Variants in ATRX observed in about 807,000 individuals in gnomAD.
ATRX encodes the protein ATRX chromatin remodeler, also known as chromatin remodeler ATRX.
ATRX carries 12 observed loss-of-function variants against 172.6 expected under a neutral mutation model. That is an observed-to-expected ratio of 0.07 (90% CI 0.04 to 0.11). The LOEUF (loss-of-function observed/expected upper bound fraction) is 0.11, where lower values mean the gene tolerates loss of function less well. Among genes scored for constraint, ATRX ranks in the 10% least tolerant of loss-of-function variants. The pLI is 1.00. For synonymous variants in ATRX, 674 were observed against 594.7 expected (o/e 1.13, Z -1.94); for missense variants, 1,368 against 1,767.4 (o/e 0.77, Z 4.05).
At chrX:77,679,614 AG>A (rs1229280140) in intron 9 of ATRX, among the ~76,000 whole-genome samples, 1 of 111,962 alleles carries the variant, frequency 8.9e-6, no homozygotes, top group Non-Finnish European at 1.9e-5. Flanking sequence ...AAACTTTCAT[AG>A]GTATCAATAA....
chrX:77,581,247 A>C (rs1317027646), intron 27 of ATRX, among the ~76,000 whole-genome samples: 3 of 111,746 alleles, frequency 2.7e-5, no homozygotes, highest in Admixed American at 9.5e-5. Flanking sequence ...TAAATGGACT[A>C]AACTCTCCAA....
At chrX:77,662,928 CTT>C (rs1367493928) in intron 12 of ATRX, among the ~76,000 whole-genome samples, 1 of 111,787 alleles carries the variant, frequency 8.9e-6, no homozygotes, top group Non-Finnish European at 1.9e-5. Context: ...ATCTCCTGAC[CTT>C]GTGATCCACC....
chrX:77,608,107 C>T (rs782444089), intron 22 of ATRX, among the ~76,000 whole-genome samples: 2 of 110,269 alleles, frequency 1.8e-5, no homozygotes, highest in African/African-American at 6.6e-5. Flanking sequence ...GCCGGCCGGG[C>T]ACAGTGGCTC....
intron 34 of ATRX, among the ~76,000 whole-genome samples, chrX:77,515,291 C>T (rs1446655159): frequency 9.0e-6 from 1 of 111,139 alleles, no homozygotes; most frequent in African/African-American, 3.3e-5. Flanking sequence ...TATAATGACA[C>T]ACGTATATGT....
chrX:77,682,208 A>G lies in ATRX; in HGVS notation c.3048T>C (p.Thr1016=), dbSNP rs1557138284. ...EQQYESSSDG[T]EKLPEREEIC... Reference sequence around the variant, plus strand: ...TTTCTTCTCGCTCAGGTAACTTTTCAGTGCCATCAGATGAAGATTCATACT... The same window carrying G: ...TTTCTTCTCGCTCAGGTAACTTTTCGGTGCCATCAGATGAAGATTCATACT... The change falls in exon 9 of 35, where the codon ACT becomes ACC. Residue 1016 remains threonine, a synonymous_variant. Transcript: ENST00000373344. 1 of 1,210,567 alleles carries G rather than the reference A, an allele frequency of 8.3e-7. No individual in the cohort carries two copies. The highest frequency in any genetic ancestry group is 1.1e-6 in the Non-Finnish European group (1 of 894,612).
At chrX:77,694,598 T>G (rs782788406) in intron 5 of ATRX, among the ~76,000 whole-genome samples, 1 of 111,181 alleles carries the variant, frequency 9.0e-6, no homozygotes, top group Non-Finnish European at 1.9e-5. Context: ...TATGTTAATA[T>G]TTTAGAAAGA....
At chrX:77,574,190 T>C in intron 28 of ATRX, 60 bp downstream of exon 28, 4 of 803,009 alleles carry the variant, frequency 5.0e-6, no homozygotes, top group Admixed American at 2.4e-5. Context: ...TAGTGAACTT[T>C]ATGTAAATTT....
At chrX:77,736,008 A>C (rs2074545444) in intron 1 of ATRX, among the ~76,000 whole-genome samples, 1 of 108,168 alleles carries the variant, frequency 9.2e-6, no homozygotes, top group South Asian at 3.8e-4. Context: ...TCCACCTCAA[A>C]AAAAAAAAAA....
At chrX:77,696,056 C>A (rs915582638) in intron 5 of ATRX, among the ~76,000 whole-genome samples, 2 of 111,869 alleles carry the variant, frequency 1.8e-5, no homozygotes, top group Non-Finnish European at 3.8e-5. Flanking sequence ...AGAACTTCAA[C>A]AGTTGAGAGG....
At chrX:77,534,279 C>A (rs781943658) in intron 30 of ATRX, among the ~76,000 whole-genome samples, 1 of 111,859 alleles carries the variant, frequency 8.9e-6, no homozygotes, top group South Asian at 3.7e-4. Flanking sequence ...GTTTCTAAAT[C>A]TTCCCCTTTT....
At chrX:77,774,326 T>C (rs1432723136) in intron 1 of ATRX, among the ~76,000 whole-genome samples, 7 of 111,816 alleles carry the variant, frequency 6.3e-5, no homozygotes, top group African/African-American at 2.3e-4. Flanking sequence ...TTGTCTTTCA[T>C]CATGAAGGAT....
intron 1 of ATRX, among the ~76,000 whole-genome samples, chrX:77,745,944 A>C (rs2075055005): frequency 9.0e-6 from 1 of 111,656 alleles, no homozygotes. Flanking sequence ...AAAAATACCC[A>C]CAATGAGGTA....
At chrX:77,541,836 T>C (rs945673258) in intron 30 of ATRX, among the ~76,000 whole-genome samples, 1 of 111,421 alleles carries the variant, frequency 9.0e-6, no homozygotes, top group African/African-American at 3.3e-5. Context: ...TAAGAGCTAT[T>C]TATGACAAAC....
chrX:77,524,159 G>T (rs1184732064), intron 30 of ATRX, among the ~76,000 whole-genome samples: 1 of 111,714 alleles, frequency 9.0e-6, no homozygotes. Context: ...CACAAAGATA[G>T]ATGGGGTGGG....
intron 1 of ATRX, among the ~76,000 whole-genome samples, chrX:77,739,870 C>T (rs1008609552): frequency 3.7e-5 from 4 of 107,753 alleles, no homozygotes; most frequent in Non-Finnish European, 7.7e-5. Context: ...GCCAACATGA[C>T]GAAACCCCAT....
At chrX:77,586,141 TA>T (rs2066010988) in intron 27 of ATRX, among the ~76,000 whole-genome samples, 1 of 112,277 alleles carries the variant, frequency 8.9e-6, no homozygotes, top group Non-Finnish European at 1.9e-5. Flanking sequence ...ACTAAGAGTA[TA>T]AATGGATTTT....
chrX:77,532,564 T>C (rs1265073025), intron 30 of ATRX, among the ~76,000 whole-genome samples: 1 of 111,759 alleles, frequency 8.9e-6, no homozygotes, highest in Non-Finnish European at 1.9e-5. Context: ...ATTTAATAAG[T>C]GGTGCTAGGA....
intron 1 of ATRX, among the ~76,000 whole-genome samples, chrX:77,779,161 T>C (rs1557204417): frequency 2.1e-5 from 2 of 96,391 alleles, no homozygotes; most frequent in Non-Finnish European, 2.1e-5. Context: ...GCCAGGATGG[T>C]CTCGATCTCC....
rs782005827 is a variant in ATRX at position 77,574,372 on chromosome X, A to C, written c.6218-14T>G. On this transcript the variant is annotated splice_polypyrimidine_tract_variant and intron_variant, in intron 27 of 34. Coordinates refer to ENST00000373344, the MANE Select transcript of ATRX (RefSeq NM_000489.6). ...ACTTCCCCTCACCTGAAAATTTAAC[A>C]AAAGAACACAAAAGGAATTTGATAT... 1.8e-6 allele frequency: 2 copies of C among 1,088,059 alleles called. No individual in the cohort carries two copies. Among genetic ancestry groups the C allele is most frequent in the Admixed American group, 4.4e-5 (2 of 45,751 alleles). 89.7% of individuals were successfully genotyped at this position (1,088,059 alleles called of 1,213,427 possible).
Sources: allele counts gnomAD v4.1 joint callset (sites outside exome capture counted in the v4.1 genomes callset), GRCh38; gene constraint gnomAD v4.1.1; transcripts MANE v1.5; gene names NCBI Gene and HGNC (gene_info 2026-07-23, HGNC 2026-07-21).